Variants in CLSTN2 observed in about 807,000 individuals in gnomAD.
CLSTN2 encodes calsyntenin 2, also known as calsyntenin-2.
A neutral mutation model predicts 101.2 loss-of-function variants in CLSTN2; 48 were observed. That is an observed-to-expected ratio of 0.47 (90% CI 0.38 to 0.60). CLSTN2 has a LOEUF of 0.60. Ranked by LOEUF, CLSTN2 falls within the 20% of genes least tolerant of loss-of-function variation. The probability of loss-of-function intolerance (pLI) is 0.00; values close to 1 mark genes in which losing one functional copy is unlikely to be tolerated. For missense variants in CLSTN2, 1,160 were observed against 1,238.2 expected, an observed-to-expected ratio of 0.94 and a Z score of 0.95; for synonymous variants, 481 against 463.6, an observed-to-expected ratio of 1.04 and a Z score of -0.48.
chr3:140,567,422 C>T lies in CLSTN2; in HGVS notation c.*1169C>T, dbSNP rs1333744881. ...AGCATATTTGCAATCATTGCAGCTT[C>T]TTCTTTCTTCTGCTCATAAAAGGAG... On this transcript the variant is annotated 3_prime_UTR_variant, in exon 17 of 17. Transcript: ENST00000458420. The T allele has an allele frequency of 6.6e-6, 1 of 152,194 alleles. No individual in the cohort carries two copies. The highest frequency in any genetic ancestry group is 1.5e-5 in the Non-Finnish European group (1 of 68,040). 9.4% of individuals were successfully genotyped at this position (152,194 alleles called of 1,614,324 possible). A position where few individuals can be genotyped will look rare whatever the true frequency, so the allele number is the denominator to read the frequency against.
At chr3:140,542,521 C>T (rs1213549355) in intron 9 of CLSTN2, among the ~76,000 whole-genome samples, 1 of 151,932 alleles carries the variant, frequency 6.6e-6, no homozygotes, top group African/African-American at 2.4e-5. Context: ...ATGCAGACAC[C>T]CTAGATATTC....
At chr3:140,395,807 TCATC>T (rs1390647832) in intron 2 of CLSTN2, among the ~76,000 whole-genome samples, 1 of 152,210 alleles carries the variant, frequency 6.6e-6, no homozygotes, top group East Asian at 1.9e-4. Context: ...TTTAAAAACT[TCATC>T]CACTCAGCCC....
chr3:140,447,019 C>T (rs950346932), intron 5 of CLSTN2, among the ~76,000 whole-genome samples: 3 of 152,172 alleles, frequency 2.0e-5, no homozygotes. Context: ...GTCTGGCTAG[C>T]CCCAAAGCCC....
In CLSTN2 at chr3:140,181,383, GTTTGA is replaced by G. The variant is rs573480091; in HGVS notation, c.232+5313_232+5317del. ...GTATTATTATCAGTAAGCCACAAGT[GTTTGA>G]TTCATTTGGGTTGATTACAATAGTG... On this transcript the variant is annotated intron_variant, in intron 2 of 16. Transcript: ENST00000458420. Among the ~76,000 whole-genome samples the G allele has an allele frequency of 1.9e-4, 27 of 143,200 alleles. No individual in the cohort carries two copies. In the South Asian group the frequency reaches 5.6e-3, roughly 30 times the overall value. 93.9% of individuals were successfully genotyped at this position (143,200 alleles called of 152,430 possible). A position where few individuals can be genotyped will look rare whatever the true frequency, so the allele number is the denominator to read the frequency against.
chr3:140,434,319 A>G (rs1185909200), intron 5 of CLSTN2, among the ~76,000 whole-genome samples: 2 of 152,156 alleles, frequency 1.3e-5, no homozygotes, highest in Non-Finnish European at 2.9e-5. Flanking sequence ...GGCTTGGAGC[A>G]TTGACCCCAC....
intron 1 of CLSTN2, among the ~76,000 whole-genome samples, chr3:140,014,883 A>T (rs1276333230): frequency 6.6e-6 from 1 of 152,168 alleles, no homozygotes; most frequent in Non-Finnish European, 1.5e-5. Context: ...GAGGGACTTG[A>T]TCTGACTTAG....
chr3:140,160,985 A>C (rs577285667), intron 1 of CLSTN2, among the ~76,000 whole-genome samples: 1 of 152,334 alleles, frequency 6.6e-6, no homozygotes, highest in South Asian at 2.1e-4. Flanking sequence ...AATAACAAGC[A>C]GTCAAAGCTT....
intron 1 of CLSTN2, among the ~76,000 whole-genome samples, chr3:139,957,476 T>C (rs1000664445): frequency 6.6e-6 from 1 of 151,588 alleles, no homozygotes; most frequent in African/African-American, 2.4e-5. Flanking sequence ...TCAAATAGAG[T>C]TTATGTAATC....
chr3:140,544,972 A>C (rs543857179), intron 9 of CLSTN2, among the ~76,000 whole-genome samples: 41 of 152,310 alleles, frequency 2.7e-4, no homozygotes, highest in African/African-American at 9.6e-4. Flanking sequence ...TCTAGATTCA[A>C]ACAGGAGAAA....
intron 1 of CLSTN2, among the ~76,000 whole-genome samples, chr3:140,040,339 G>A (rs2007737040): frequency 1.3e-5 from 2 of 152,106 alleles, no homozygotes; most frequent in African/African-American, 4.8e-5. Flanking sequence ...AACACTCCTG[G>A]GGTGCTAATG....
chr3:140,484,496 T>G (rs1934196376), intron 8 of CLSTN2, among the ~76,000 whole-genome samples: 1 of 152,156 alleles, frequency 6.6e-6, no homozygotes, highest in Non-Finnish European at 1.5e-5. Flanking sequence ...ATTTCCTGAA[T>G]TTGAATGTTG....
intron 8 of CLSTN2, among the ~76,000 whole-genome samples, chr3:140,529,594 A>G (rs1576613683): frequency 6.6e-6 from 1 of 152,186 alleles, no homozygotes; most frequent in East Asian, 1.9e-4. Context: ...CAGAGGGTCA[A>G]TGTAGGTCTC....
At chr3:140,061,850 A>G (rs2008212199) in intron 1 of CLSTN2, among the ~76,000 whole-genome samples, 1 of 152,180 alleles carries the variant, frequency 6.6e-6, no homozygotes. Context: ...CACTTCTTCA[A>G]GAGTTAGCTA....
At chr3:140,027,048 G>T (rs1231367290) in intron 1 of CLSTN2, among the ~76,000 whole-genome samples, 1 of 152,234 alleles carries the variant, frequency 6.6e-6, no homozygotes, top group Non-Finnish European at 1.5e-5. Flanking sequence ...TCTTTAAGCT[G>T]TGAATTTTAA....
chr3:140,079,720 C>T (rs1368673029), intron 1 of CLSTN2, among the ~76,000 whole-genome samples: 1 of 146,240 alleles, frequency 6.8e-6, no homozygotes, highest in Non-Finnish European at 1.5e-5. Flanking sequence ...CACTGCACTC[C>T]AGCCTGGACA....
chr3:140,215,758 C>A (rs1176861014), intron 2 of CLSTN2, among the ~76,000 whole-genome samples: 1 of 152,160 alleles, frequency 6.6e-6, no homozygotes, highest in East Asian at 1.9e-4. Flanking sequence ...GTAATAGTGC[C>A]ACCTTTCAAA....
At chr3:140,141,693 G>A (rs745529338) in intron 1 of CLSTN2, among the ~76,000 whole-genome samples, 5 of 152,152 alleles carry the variant, frequency 3.3e-5, no homozygotes, top group African/African-American at 7.2e-5. Flanking sequence ...TATGCTGCCC[G>A]GGAACCCAGC....
chr3:140,383,373 T>C (rs549958089), intron 2 of CLSTN2, among the ~76,000 whole-genome samples: 1 of 152,316 alleles, frequency 6.6e-6, no homozygotes, highest in Non-Finnish European at 1.5e-5. Flanking sequence ...TTGAGTTTGA[T>C]TGGCTGAGAG....
chr3:140,560,976 A>G (rs113898368), intron 12 of CLSTN2, among the ~76,000 whole-genome samples: 10,095 of 151,916 alleles, frequency 0.066, 384 homozygotes, highest in Non-Finnish European at 0.091. Context: ...ATTAAGATAA[A>G]GAAATTATTT....
Sources: gnomAD v4.1 joint callset for allele counts (sites outside exome capture counted in the v4.1 genomes callset) on GRCh38, gnomAD v4.1.1 for gene constraint, MANE v1.5 for transcripts, NCBI Gene and HGNC (gene_info 2026-07-23, HGNC 2026-07-21) for gene names.